Variants in AHI1 observed in about 807,000 individuals in gnomAD.
AHI1 encodes the protein jouberin.
A neutral mutation model predicts 149.3 loss-of-function variants in AHI1; 123 were observed. The ratio of observed to expected loss-of-function variants is 0.82; its 90% confidence interval spans 0.71 to 0.96. The LOEUF is 0.96. Ranked by LOEUF, AHI1 falls within the 40% of genes least tolerant of loss-of-function variation. AHI1 has a pLI of 0.00. For missense variants in AHI1, 1,439 were observed against 1,422.7 expected (o/e 1.01, Z -0.18); for synonymous variants, 475 against 459.8 (o/e 1.03, Z -0.42).
intron 23 of AHI1, among the ~76,000 whole-genome samples, chr6:135,387,236 T>C (rs149204240): frequency 1.8e-4 from 27 of 152,334 alleles, no homozygotes; most frequent in Middle Eastern, 6.8e-3. Context: ...TGGAATTATA[T>C]GAAGTATCTC....
At chr6:135,387,781 C>CCATA in intron 23 of AHI1, 1 of 1,266,866 alleles carries the variant, frequency 7.9e-7, no homozygotes. Flanking sequence ...AAAAAGCCTC[C>CCATA]CATAACCTCA....
intron 22 of AHI1, among the ~76,000 whole-genome samples, chr6:135,399,357 C>G (rs1177643227): frequency 1.3e-5 from 2 of 152,240 alleles, no homozygotes; most frequent in African/African-American, 2.4e-5. Flanking sequence ...AAACAGCACA[C>G]AACTGCAATC....
chr6:135,493,360 A>G (rs1037809987), intron 3 of AHI1, among the ~76,000 whole-genome samples: 1 of 152,198 alleles, frequency 6.6e-6, no homozygotes, highest in Admixed American at 6.5e-5. Context: ...CCTCTTGCAG[A>G]AATGTCTAAG....
chr6:135,366,524 T>C (rs1010355486), intron 23 of AHI1, among the ~76,000 whole-genome samples: 3 of 152,222 alleles, frequency 2.0e-5, no homozygotes, highest in Non-Finnish European at 4.4e-5. Context: ...AAGGATAGTA[T>C]ATTTCCAGCA....
chr6:135,399,962 G>C (rs1397136506), intron 22 of AHI1, among the ~76,000 whole-genome samples: 1 of 151,996 alleles, frequency 6.6e-6, no homozygotes, highest in African/African-American at 2.4e-5. Context: ...GTAAACTCGT[G>C]TCACAGGGAC....
At chr6:135,347,779 G>C (rs748478883) in intron 24 of AHI1, among the ~76,000 whole-genome samples, 2 of 152,114 alleles carry the variant, frequency 1.3e-5, no homozygotes, top group Non-Finnish European at 2.9e-5. Context: ...AATGCAGATC[G>C]ACTAACTGGA....
chr6:135,354,519 A>G (rs1011013244), intron 24 of AHI1, among the ~76,000 whole-genome samples: 3 of 152,156 alleles, frequency 2.0e-5, no homozygotes, highest in African/African-American at 7.2e-5. Context: ...TCCTTATGCT[A>G]GTTGCCATTT....
chr6:135,334,041 C>T (rs182061545), intron 24 of AHI1, among the ~76,000 whole-genome samples: 22 of 152,138 alleles, frequency 1.4e-4, no homozygotes, highest in Non-Finnish European at 2.6e-4. Flanking sequence ...ACAACAATAA[C>T]GATAAAGCAT....
At chr6:135,382,919 AAAAAAAAAT>A (rs1375850543) in intron 23 of AHI1, among the ~76,000 whole-genome samples, 4 of 105,644 alleles carry the variant, frequency 3.8e-5, no homozygotes, top group Non-Finnish European at 3.9e-5. Flanking sequence ...AAAAAAAAAA[AAAAAAAAAT>A]ATATATATAT....
At chr6:135,321,364 G>C (rs1431798524) in intron 25 of AHI1, among the ~76,000 whole-genome samples, 1 of 152,212 alleles carries the variant, frequency 6.6e-6, no homozygotes, top group Non-Finnish European at 1.5e-5. Context: ...TTTTATGAGA[G>C]TGAGAAGTGG....
At chr6:135,440,180 A>T (rs1786058723) in intron 14 of AHI1, among the ~76,000 whole-genome samples, 1 of 152,012 alleles carries the variant, frequency 6.6e-6, no homozygotes, top group Admixed American at 6.6e-5. Context: ...ATCCCCAAAG[A>T]CTTCTCACTA....
intron 15 of AHI1, among the ~76,000 whole-genome samples, chr6:135,434,781 A>T (rs1337338354): frequency 6.6e-6 from 1 of 152,116 alleles, no homozygotes; most frequent in Non-Finnish European, 1.5e-5. Flanking sequence ...CACAAAAATT[A>T]CTAGATTTGG....
intron 16 of AHI1, among the ~76,000 whole-genome samples, chr6:135,432,628 A>G (rs916123416): frequency 6.6e-6 from 1 of 152,164 alleles, no homozygotes; most frequent in Non-Finnish European, 1.5e-5. Flanking sequence ...CTGGGATTAC[A>G]GGCACGAACC....
intron 25 of AHI1, among the ~76,000 whole-genome samples, chr6:135,320,268 A>G (rs956536259): frequency 2.0e-5 from 3 of 152,232 alleles, no homozygotes; most frequent in African/African-American, 7.2e-5. Context: ...TTTTTAAAGC[A>G]GTGACTGATG....
At chr6:135,466,407 T>C (rs1266118031) in intron 6 of AHI1, 34 bp from the exon 7 acceptor site, 1 of 1,551,610 alleles carries the variant, frequency 6.4e-7, no homozygotes, top group Non-Finnish European at 8.8e-7. Flanking sequence ...AAAGTTTCAG[T>C]TACACATAGA....
At chr6:135,377,480 T>C (rs1160301093) in intron 23 of AHI1, among the ~76,000 whole-genome samples, 2 of 151,624 alleles carry the variant, frequency 1.3e-5, no homozygotes, top group Non-Finnish European at 2.9e-5. Flanking sequence ...TTTATTTATT[T>C]ATTTATTTAT....
In AHI1 at chr6:135,284,519, C is replaced by G. The variant is rs1281955526; in HGVS notation, c.*1126G>C. 1 of 151,624 alleles carries G rather than the reference C, an allele frequency of 6.6e-6. No individual in the cohort carries two copies. The highest frequency in any genetic ancestry group is 1.5e-5 in the Non-Finnish European group (1 of 67,916). The allele number at this position is 151,624 out of a possible 1,614,324, so 9.4% of individuals were successfully genotyped here. On this transcript the variant is annotated 3_prime_UTR_variant, in exon 29 of 29. Transcript: ENST00000265602. ...AAGAAAAGAACAAAAAATGAATATC[C>G]CATTATAATATCAAACTTCAAAACA...
chr6:135,325,600 AG>A (rs1326395438), intron 24 of AHI1, among the ~76,000 whole-genome samples: 2 of 152,242 alleles, frequency 1.3e-5, no homozygotes, highest in African/African-American at 4.8e-5. Context: ...AGAGAAATTT[AG>A]GAACTTCTCT....
chr6:135,417,507 A>G (rs536343404), intron 20 of AHI1, among the ~76,000 whole-genome samples: 2 of 152,204 alleles, frequency 1.3e-5, no homozygotes. Context: ...TTAACTGGAA[A>G]AAAAAGTAAC....
Sources: gnomAD v4.1 joint callset for allele counts (sites outside exome capture counted in the v4.1 genomes callset) on GRCh38, gnomAD v4.1.1 for gene constraint, MANE v1.5 for transcripts, NCBI Gene and HGNC (gene_info 2026-07-23, HGNC 2026-07-21) for gene names.